MYCBP: variants seen among roughly 807,000 people sequenced by gnomAD.
The protein encoded by MYCBP is C-Myc-binding protein.
MYCBP carries 5 observed loss-of-function variants against 16.8 expected under a neutral mutation model. The observed-to-expected ratio is 0.30, with a 90% confidence interval of 0.16 to 0.63. The LOEUF is 0.63. Among genes scored for constraint, MYCBP ranks in the 20% least tolerant of loss-of-function variants. MYCBP has a pLI of 0.83. For missense variants in MYCBP, 103 were observed against 121.8 expected, an observed-to-expected ratio of 0.85 and a Z score of 0.73; for synonymous variants, 35 against 43.7, an observed-to-expected ratio of 0.80 and a Z score of 0.79.
rs1642508614 is a variant in MYCBP at position 38,873,305 on chromosome 1, T to TAGTGAC, written c.-6_-1dup. On this transcript the variant is annotated 5_prime_UTR_variant, in exon 1 of 5. Coordinates refer to ENST00000397572, the MANE Select transcript of MYCBP (RefSeq NM_012333.5). ...GCCCCCCTCACTTTGTAATGGGCCA[T>TAGTGAC]AGTGACAGCGGCAGCGGCGTAGCTG... 1.9e-6 allele frequency: 3 copies of TAGTGAC among 1,603,006 alleles called. No individual in the cohort carries two copies. Among genetic ancestry groups the TAGTGAC allele is most frequent in the Non-Finnish European group, 2.5e-6 (3 of 1,179,008 alleles).
Position 38,866,891 on chromosome 1 carries a change from G to C in MYCBP, c.256C>G (p.Leu86Val). 6.5e-7 allele frequency: 1 copy of C among 1,549,116 alleles called. No homozygotes were observed. Among genetic ancestry groups the C allele is most frequent in the Non-Finnish European group, 8.7e-7 (1 of 1,146,702 alleles). Reference protein sequence around the residue: ...YEAIVEENKKLKAKLAQYEPP... With the variant: ...YEAIVEENKKVKAKLAQYEPP... ...TTTTAAAAATTTACCTTTGCTTTCA[G>C]TTTTTTATTTTCTTCTACAATAGCT... Residue 86 changes from leucine (L) to valine (V), a missense_variant, in exon 4 of 5, where the codon CTG (leucine) becomes GTG (valine). Physicochemically the swap from Leu to Val is conservative, Grantham distance 32. Transcript: ENST00000397572.
rs1048323867 is a variant in MYCBP at position 38,863,506 on chromosome 1, A to G, written c.*1164T>C. 6 of 152,558 alleles carry G rather than the reference A, an allele frequency of 3.9e-5. No homozygotes were observed. Among genetic ancestry groups the G allele is most frequent in the African/African-American group, 1.2e-4 (5 of 41,458 alleles). The allele number at this position is 152,558 out of a possible 1,614,324, so 9.5% of individuals were successfully genotyped here. On this transcript the variant is annotated 3_prime_UTR_variant, in exon 5 of 5. Coordinates refer to ENST00000397572, the MANE Select transcript of MYCBP (RefSeq NM_012333.5). ...GGAAAAAGGACTAACAAACAAGAATATAGTGCTTTACCATTTACAAATCTT... is the reference window on the plus strand; with the variant it reads ...GGAAAAAGGACTAACAAACAAGAATGTAGTGCTTTACCATTTACAAATCTT...
rs774454245 is a variant in MYCBP, at chr1:38,864,622, CA to C, written c.*47del. 2.4e-5 allele frequency: 38 copies of C among 1,577,418 alleles called. No homozygotes were observed. The highest frequency in any genetic ancestry group is 3.3e-5 in the Admixed American group (2 of 59,942). ...AAGATTATATACTATACAAACTATT[CA>C]AGTCATACAAAACCATTTTTCATTG... On this transcript the variant is annotated 3_prime_UTR_variant, in exon 5 of 5. Transcript: ENST00000397572.
chr1:38,863,723 T>C lies in MYCBP; in HGVS notation c.*947A>G, dbSNP rs1273942175. On this transcript the variant is annotated 3_prime_UTR_variant, in exon 5 of 5. Transcript: ENST00000397572. ...AAATTCAGCACCCCTCTTCCCCTTA[T>C]ACTTGTCCCACCTACTTCACAGGGA... is the stretch of plus-strand genomic sequence containing the variant. 6.6e-6 allele frequency: 1 copy of C among 152,670 alleles called. No individual in the cohort carries two copies. Among genetic ancestry groups the C allele is most frequent in the African/African-American group, 2.4e-5 (1 of 41,458 alleles). The allele number at this position is 152,670 out of a possible 1,614,324, so 9.5% of individuals were successfully genotyped here.
intron 2 of MYCBP, among the ~76,000 whole-genome samples, chr1:38,871,706 C>G (rs1642471604): frequency 6.6e-6 from 1 of 152,208 alleles, no homozygotes; most frequent in African/African-American, 2.4e-5. Context: ...AGCCACGTGC[C>G]TGGCCTCACC....
intron 4 of MYCBP, among the ~76,000 whole-genome samples, chr1:38,865,118 A>G (rs1340330518): frequency 6.6e-6 from 1 of 152,262 alleles, no homozygotes; most frequent in Non-Finnish European, 1.5e-5. Context: ...ACCAGCCAAT[A>G]AACAACTACT....
intron 4 of MYCBP, 120 bp downstream of exon 4, chr1:38,866,760 T>C: frequency 1.2e-6 from 1 of 868,348 alleles, no homozygotes. Context: ...CCTTACATTG[T>C]AATTAATTCA....
chr1:38,868,333 G>A (rs112282140), intron 2 of MYCBP, among the ~76,000 whole-genome samples: 3,657 of 152,262 alleles, frequency 0.024, 75 homozygotes, highest in Non-Finnish European at 0.037. Flanking sequence ...AAGAAGCTCT[G>A]AATTCAAAAA....
chr1:38,866,533 C>T (rs565923750), intron 4 of MYCBP, among the ~76,000 whole-genome samples: 1 of 152,228 alleles, frequency 6.6e-6, no homozygotes, highest in East Asian at 1.9e-4. Flanking sequence ...TCTCCTGCCT[C>T]AGCCTCCCGA....
Position 38,872,999 on chromosome 1 carries a change from T to C in MYCBP, c.88+19A>G. 6.4e-7 allele frequency: 1 copy of C among 1,564,400 alleles called. No homozygotes were observed. The highest frequency in any genetic ancestry group is 1.4e-5 in the African/African-American group (1 of 73,302). On this transcript the variant is annotated intron_variant, in intron 2 of 4. Coordinates refer to ENST00000397572, the MANE Select transcript of MYCBP (RefSeq NM_012333.5). ...AGCACGACGAGGGCACGAGGTACCC[T>C]CTCCTAGCCCAGGCTCACCCTTGGT...
At chr1:38,867,090 C>G (rs147884509) in intron 3 of MYCBP, 81 bp from the exon 4 acceptor site, 3 of 1,278,294 alleles carry the variant, frequency 2.3e-6, no homozygotes, top group Admixed American at 2.2e-5. Flanking sequence ...ATATCCCTGA[C>G]CAGAGTCACC....
At chr1:38,867,921 C>G (rs977642221) in intron 2 of MYCBP, among the ~76,000 whole-genome samples, 1 of 152,188 alleles carries the variant, frequency 6.6e-6, no homozygotes, top group African/African-American at 2.4e-5. Flanking sequence ...AGGCAAAGAC[C>G]TGATACCTAG....
chr1:38,872,193 A>C (rs538745029), intron 2 of MYCBP, among the ~76,000 whole-genome samples: 1 of 152,362 alleles, frequency 6.6e-6, no homozygotes, highest in South Asian at 2.1e-4. Context: ...TCCTAGTTTC[A>C]TATGACCCAA....
At chr1:38,867,736 A>T (rs747630798) in intron 2 of MYCBP, 126 bp from the exon 3 acceptor site, 1 of 779,454 alleles carries the variant, frequency 1.3e-6, no homozygotes, top group Non-Finnish European at 2.2e-6. Flanking sequence ...AGACTATACA[A>T]TGCTGAACAA....
rs921227730 is a variant in MYCBP at position 38,864,994 on chromosome 1, A to G, written c.268-280T>C. ...TCAAATACTTGATATGCAATAAACT[A>G]TATCTTCCCAAAGATTCATTTGCTT... is the stretch of plus-strand genomic sequence containing the variant. On this transcript the variant is annotated intron_variant, in intron 4 of 4. Coordinates refer to ENST00000397572, the MANE Select transcript of MYCBP (RefSeq NM_012333.5). 2.4e-4 allele frequency among the ~76,000 whole-genome samples: 36 copies of G among 152,218 alleles called. 1 individual carries two copies. Among genetic ancestry groups the G allele is most frequent in the Admixed American group, 7.2e-4 (11 of 15,280 alleles).
chr1:38,868,122 G>C (rs1331508009), intron 2 of MYCBP, among the ~76,000 whole-genome samples: 1 of 152,190 alleles, frequency 6.6e-6, no homozygotes, highest in Non-Finnish European at 1.5e-5. Flanking sequence ...GGAAGGGAGT[G>C]ACAGGATCCA....
intron 2 of MYCBP, chr1:38,872,642 TTGTTGGAGG>T: frequency 4.5e-6 from 1 of 220,678 alleles, no homozygotes; most frequent in Non-Finnish European, 9.0e-6. Flanking sequence ...CAGTTGCTCT[TTGTTGGAGG>T]GAAACTTTCT....
chr1:38,872,628 T>C (rs1341103794), intron 2 of MYCBP: 2 of 207,042 alleles, frequency 9.7e-6, no homozygotes, highest in Admixed American at 1.1e-4. Context: ...TTCGGTCATT[T>C]TTCCAGTTGC....
rs1374146541 is a variant in MYCBP at position 38,863,258 on chromosome 1, G to A, written c.*1412C>T. On this transcript the variant is annotated 3_prime_UTR_variant, in exon 5 of 5. Coordinates refer to ENST00000397572, the MANE Select transcript of MYCBP (RefSeq NM_012333.5). ...ATTTAAATGCCCTTTTTATTGGCTT[G>A]GTCATAGTCTCCAACAGGTGCCAAG... 8 of 152,170 alleles carry A rather than the reference G, an allele frequency of 5.3e-5. No homozygotes were observed. Among genetic ancestry groups the A allele is most frequent in the Non-Finnish European group, 7.3e-5 (5 of 68,040 alleles). The allele number at this position is 152,170 out of a possible 1,614,324, so 9.4% of individuals were successfully genotyped here.
Sources: allele counts gnomAD v4.1 joint callset (sites outside exome capture counted in the v4.1 genomes callset), GRCh38; gene constraint gnomAD v4.1.1; transcripts MANE v1.5; gene names NCBI Gene and HGNC (gene_info 2026-07-23, HGNC 2026-07-21).